GMDS: variants seen among roughly 807,000 people sequenced by gnomAD.
GMDS encodes GDP-mannose 4,6-dehydratase.
Under a neutral mutation model 49.9 loss-of-function variants are expected in GMDS, and 20 were observed. That is an observed-to-expected ratio of 0.40 (90% confidence interval 0.28 to 0.58). The LOEUF is 0.58. Ranked by LOEUF, GMDS falls within the 20% of genes least tolerant of loss-of-function variation. The probability of loss-of-function intolerance (pLI) is 0.42; values close to 1 mark genes in which losing one functional copy is unlikely to be tolerated. For synonymous variants in GMDS, 177 were observed against 178.6 expected (o/e 0.99, Z 0.07); for missense variants, 362 against 481.4 (o/e 0.75, Z 2.32).
chr6:2,007,444 A>T (rs769799220), intron 4 of GMDS, among the ~76,000 whole-genome samples: 16 of 152,202 alleles, frequency 1.1e-4, no homozygotes, highest in African/African-American at 3.9e-4. Context: ...CTCTTTCACA[A>T]TTCTAAGCGT....
intron 1 of GMDS, among the ~76,000 whole-genome samples, chr6:2,242,760 T>C (rs1278962229): frequency 6.6e-6 from 1 of 152,202 alleles, no homozygotes; most frequent in African/African-American, 2.4e-5. Flanking sequence ...TATTTAACCT[T>C]ACTTAGCCAG....
chr6:2,229,762 A>T (rs1780993283), intron 1 of GMDS, among the ~76,000 whole-genome samples: 1 of 152,226 alleles, frequency 6.6e-6, no homozygotes, highest in South Asian at 2.1e-4. Context: ...ACACAATCTT[A>T]CTACAACTAA....
intron 6 of GMDS, chr6:1,951,833 T>C (rs1273807804): frequency 4.7e-6 from 4 of 844,188 alleles, no homozygotes; most frequent in East Asian, 1.2e-4. Flanking sequence ...CTGTCAAACA[T>C]CTTAAAGGAA....
At chr6:2,102,091 T>C (rs1451927600) in intron 4 of GMDS, among the ~76,000 whole-genome samples, 2 of 152,132 alleles carry the variant, frequency 1.3e-5, no homozygotes, top group Non-Finnish European at 2.9e-5. Context: ...TTCAAATATC[T>C]AAGATTTTGT....
chr6:1,644,356 C>G (rs1457588897), intron 9 of GMDS, among the ~76,000 whole-genome samples: 1 of 152,232 alleles, frequency 6.6e-6, no homozygotes, highest in African/African-American at 2.4e-5. Context: ...GCCCTCAACA[C>G]AGCCAGAGCC....
At chr6:2,012,337 T>C (rs909992079) in intron 4 of GMDS, among the ~76,000 whole-genome samples, 1 of 152,178 alleles carries the variant, frequency 6.6e-6, no homozygotes, top group Admixed American at 6.5e-5. Flanking sequence ...CTGAATATTC[T>C]AATTAATAGA....
intron 7 of GMDS, among the ~76,000 whole-genome samples, chr6:1,807,488 T>C (rs762592209): frequency 5.9e-5 from 9 of 152,354 alleles, no homozygotes; most frequent in Non-Finnish European, 1.0e-4. Context: ...GGTAGACCCA[T>C]GGACTGTGAA....
chr6:1,623,966 G>T lies in GMDS; in HGVS notation c.*203C>A. On this transcript the variant is annotated 3_prime_UTR_variant, in exon 11 of 11. Transcript: ENST00000380815. ...GAGGAGGCTTCGACAAACGCAAAGC[G>T]ACCCAAACCCTGGAGGGTCACATCC... 1.9e-6 allele frequency: 1 copy of T among 530,908 alleles called. No homozygotes were observed. The highest frequency in any genetic ancestry group is 3.3e-6 in the Non-Finnish European group (1 of 299,166). The allele number at this position is 530,908 out of a possible 1,614,324, so 32.9% of individuals were successfully genotyped here.
At chr6:1,644,409 C>T (rs17134120) in intron 9 of GMDS, among the ~76,000 whole-genome samples, 5,833 of 152,292 alleles carry the variant, frequency 0.038, 226 homozygotes, top group East Asian at 0.22. Context: ...CATAAATAGG[C>T]TGCATATGAG....
chr6:1,880,284 C>CAA (rs34490393), intron 7 of GMDS, among the ~76,000 whole-genome samples: 2,114 of 58,670 alleles, frequency 0.036, 69 homozygotes, highest in African/African-American at 0.048. Context: ...CTCATTTCCA[C>CAA]AAAAAAAAAA....
chr6:2,240,601 CAAAAA>C (rs57052982), intron 1 of GMDS, among the ~76,000 whole-genome samples: 2 of 84,068 alleles, frequency 2.4e-5, no homozygotes, highest in South Asian at 8.1e-4. Flanking sequence ...AAGACTGTCT[CAAAAA>C]AAAAAAAAAA....
chr6:2,010,633 T>A (rs548116920), intron 4 of GMDS, among the ~76,000 whole-genome samples: 2 of 152,184 alleles, frequency 1.3e-5, no homozygotes, highest in African/African-American at 4.8e-5. Flanking sequence ...AGAAACTACA[T>A]GAAATGTAAA....
chr6:1,935,710 A>G (rs1028761547), intron 6 of GMDS, among the ~76,000 whole-genome samples: 1 of 152,220 alleles, frequency 6.6e-6, no homozygotes, highest in African/African-American at 2.4e-5. Flanking sequence ...AAGTATATCC[A>G]TAAGACCGAG....
chr6:2,119,029 G>A (rs996597466), intron 2 of GMDS, among the ~76,000 whole-genome samples: 1 of 151,914 alleles, frequency 6.6e-6, no homozygotes, highest in East Asian at 1.9e-4. Context: ...TACTATCAAA[G>A]TTACTTATGA....
intron 7 of GMDS, among the ~76,000 whole-genome samples, chr6:1,893,022 A>C (rs1052860747): frequency 5.9e-5 from 9 of 152,120 alleles, no homozygotes; most frequent in Non-Finnish European, 1.2e-4. Flanking sequence ...GAGAAGTCCC[A>C]AAGAGGGCAA....
Position 2,175,835 on chromosome 6 carries a change from A to G in GMDS, c.103-51104T>C, listed in dbSNP as rs199885372. The G allele has an allele frequency of 5.7e-6, 4 of 702,236 alleles. No individual in the cohort carries two copies. In the East Asian group the frequency reaches 8.1e-5, roughly 14 times the overall value. 43.5% of individuals were successfully genotyped at this position (702,236 alleles called of 1,614,324 possible). A position where few individuals can be genotyped will look rare whatever the true frequency, so the allele number is the denominator to read the frequency against. On this transcript the variant is annotated intron_variant, in intron 1 of 10. Coordinates refer to ENST00000380815, the MANE Select transcript of GMDS (RefSeq NM_001500.4). ...AAAACATGTTGTAAGCACCTTATGC[A>G]TGAACCCACGTAAGTTCATGAACCC...
chr6:1,860,986 C>T (rs1758156400), intron 7 of GMDS, among the ~76,000 whole-genome samples: 1 of 152,178 alleles, frequency 6.6e-6, no homozygotes, highest in Admixed American at 6.5e-5. Flanking sequence ...GCCCTTGGCC[C>T]AGACTCCACT....
chr6:1,784,064 A>G (rs1245241455), intron 7 of GMDS, among the ~76,000 whole-genome samples: 2 of 152,186 alleles, frequency 1.3e-5, no homozygotes, highest in African/African-American at 4.8e-5. Context: ...AAAATTAGGA[A>G]ATTAAATCTG....
intron 6 of GMDS, among the ~76,000 whole-genome samples, chr6:1,935,560 T>C (rs1428446939): frequency 6.6e-6 from 1 of 152,190 alleles, no homozygotes; most frequent in African/African-American, 2.4e-5. Context: ...TTCTCTGATT[T>C]TGAAAGTCTG....
Sources: allele counts gnomAD v4.1 joint callset (sites outside exome capture counted in the v4.1 genomes callset), GRCh38; gene constraint gnomAD v4.1.1; transcripts MANE v1.5; gene names NCBI Gene and HGNC (gene_info 2026-07-23, HGNC 2026-07-21).